Variants in PHACTR3 observed in about 807,000 individuals in gnomAD.
PHACTR3 encodes phosphatase and actin regulator 3, also known as protein phosphatase 1, regulatory subunit 123.
PHACTR3 carries 16 observed loss-of-function variants against 66.8 expected under a neutral mutation model. That is an observed-to-expected ratio of 0.24 (90% CI 0.16 to 0.36). The LOEUF is 0.36. Among genes scored for constraint, PHACTR3 ranks in the 10% least tolerant of loss-of-function variants. PHACTR3 has a pLI of 1.00. For missense variants in PHACTR3, 647 were observed against 719.9 expected, an observed-to-expected ratio of 0.90 and a Z score of 1.16; for synonymous variants, 323 against 292.1, an observed-to-expected ratio of 1.11 and a Z score of -1.08.
chr20:59,582,135 C>T (rs1385134287), intron 1 of PHACTR3, among the ~76,000 whole-genome samples: 1 of 152,242 alleles, frequency 6.6e-6, no homozygotes, highest in Non-Finnish European at 1.5e-5. Flanking sequence ...CACCTTTCGC[C>T]CTTCCCCAGG....
At chr20:59,625,612 G>A (rs2034419133) in intron 1 of PHACTR3, among the ~76,000 whole-genome samples, 1 of 152,102 alleles carries the variant, frequency 6.6e-6, no homozygotes, top group Non-Finnish European at 1.5e-5. Flanking sequence ...TCTTGCTTAG[G>A]GATTTGCCCA....
chr20:59,686,634 G>A (rs1332428510), intron 1 of PHACTR3, among the ~76,000 whole-genome samples: 4 of 151,528 alleles, frequency 2.6e-5, no homozygotes, highest in African/African-American at 9.7e-5. Flanking sequence ...TGATGATTGT[G>A]ATGATGGTGG....
At chr20:59,814,226 C>A (rs943236761) in intron 8 of PHACTR3, among the ~76,000 whole-genome samples, 6 of 152,138 alleles carry the variant, frequency 3.9e-5, no homozygotes, top group African/African-American at 1.2e-4. Flanking sequence ...GGTGGGGAGA[C>A]AAGGGTTTCT....
intron 1 of PHACTR3, among the ~76,000 whole-genome samples, chr20:59,694,172 T>C (rs1327137455): frequency 6.6e-6 from 1 of 152,216 alleles, no homozygotes; most frequent in Admixed American, 6.5e-5. Context: ...TGTCTTTCTG[T>C]TGTGGGCTTT....
rs1600731328 is a variant in PHACTR3, at chr20:59,829,829, G to A, written c.1329-6676G>A. 6.6e-6 allele frequency among the ~76,000 whole-genome samples: 1 copy of A among 152,246 alleles called. No individual in the cohort carries two copies. Among genetic ancestry groups the A allele is most frequent in the Non-Finnish European group, 1.5e-5 (1 of 68,050 alleles). The stretch of plus-strand genomic sequence containing the variant: ...CCACACTGAGGTGACTTTAGATGTT[G>A]ATTCAAACCTTTTCTGTGACATCTG... On this transcript the variant is annotated intron_variant, in intron 8 of 12. Coordinates refer to ENST00000371015, the MANE Select transcript of PHACTR3 (RefSeq NM_080672.5). The surrounding 1 kb of genome is among the most constrained non-coding windows in gnomAD (Gnocchi z 4.2).
chr20:59,655,779 A>G (rs952496051), intron 1 of PHACTR3, among the ~76,000 whole-genome samples: 2 of 151,844 alleles, frequency 1.3e-5, no homozygotes, highest in Non-Finnish European at 2.9e-5. Context: ...ATAGGAATTT[A>G]GAGCTATAGG....
intron 1 of PHACTR3, chr20:59,676,598 G>A (rs1601077203): frequency 1.6e-6 from 1 of 614,756 alleles, no homozygotes; most frequent in Non-Finnish European, 2.0e-6. Context: ...TTCTCAGGGA[G>A]CGGAGCGAGT....
At chr20:59,728,250 T>C (rs2038635218) in intron 1 of PHACTR3, among the ~76,000 whole-genome samples, 1 of 152,148 alleles carries the variant, frequency 6.6e-6, no homozygotes, top group Non-Finnish European at 1.5e-5. Flanking sequence ...TTTAGCACCA[T>C]GATCTTGGGG....
intron 2 of PHACTR3, among the ~76,000 whole-genome samples, chr20:59,746,769 T>C (rs1000709453): frequency 6.6e-6 from 1 of 152,216 alleles, no homozygotes; most frequent in Admixed American, 6.5e-5. Flanking sequence ...CCAGGGTTAA[T>C]GGCAGGATCA....
At chr20:59,790,101 T>C (rs554858352) in intron 7 of PHACTR3, among the ~76,000 whole-genome samples, 1 of 152,386 alleles carries the variant, frequency 6.6e-6, no homozygotes, top group African/African-American at 2.4e-5. Context: ...CTTATTTATA[T>C]ACATTTCCTT....
At chr20:59,785,082 G>A (rs1430983509) in intron 7 of PHACTR3, among the ~76,000 whole-genome samples, 2 of 152,160 alleles carry the variant, frequency 1.3e-5, no homozygotes, top group East Asian at 3.9e-4. Context: ...GAGGGGATGG[G>A]GTCTGCAGGG....
intron 1 of PHACTR3, among the ~76,000 whole-genome samples, chr20:59,722,886 C>G (rs1193733604): frequency 2.0e-5 from 3 of 152,112 alleles, no homozygotes; most frequent in South Asian, 2.1e-4. Flanking sequence ...TGTGTGGCTG[C>G]TGGGTCCCAC....
intron 2 of PHACTR3, among the ~76,000 whole-genome samples, chr20:59,745,253 G>T (rs1474649377): frequency 6.6e-6 from 1 of 152,214 alleles, no homozygotes; most frequent in African/African-American, 2.4e-5. Flanking sequence ...AAGGCCGGGG[G>T]ACTAGAGCAG....
At chr20:59,614,084 G>A (rs2033946230) in intron 1 of PHACTR3, among the ~76,000 whole-genome samples, 1 of 152,220 alleles carries the variant, frequency 6.6e-6, no homozygotes. Flanking sequence ...ATATAAAGGG[G>A]AAGCTTAAAG....
At chr20:59,779,057 G>A (rs1164870332) in intron 7 of PHACTR3, among the ~76,000 whole-genome samples, 2 of 152,208 alleles carry the variant, frequency 1.3e-5, no homozygotes, top group Non-Finnish European at 2.9e-5. Context: ...GTGGGCCAAG[G>A]TCAGGATTCC....
intron 1 of PHACTR3, among the ~76,000 whole-genome samples, chr20:59,673,153 C>A (rs2036252605): frequency 6.6e-6 from 1 of 152,172 alleles, no homozygotes; most frequent in Admixed American, 6.5e-5. Flanking sequence ...CCTGGGACAA[C>A]CTCAATTTAT....
chr20:59,587,753 CGGGGCTGGGGCT>C (rs370655205), intron 1 of PHACTR3, among the ~76,000 whole-genome samples: 22 of 151,158 alleles, frequency 1.5e-4, no homozygotes, highest in Admixed American at 3.3e-4. Context: ...GGGCTGGAGC[CGGGGCTGGGGCT>C]GGGGCTGGGG....
intron 1 of PHACTR3, among the ~76,000 whole-genome samples, chr20:59,739,264 T>C (rs1391174669): frequency 6.6e-6 from 1 of 152,110 alleles, no homozygotes; most frequent in African/African-American, 2.4e-5. Context: ...AAACAAGACA[T>C]TCCTGGGCTT....
chr20:59,617,550 T>A (rs1383813525), intron 1 of PHACTR3, among the ~76,000 whole-genome samples: 1 of 152,232 alleles, frequency 6.6e-6, no homozygotes, highest in Non-Finnish European at 1.5e-5. Flanking sequence ...CAGTCATTTT[T>A]TTTTTTCTGT....
Sources: gnomAD v4.1 joint callset for allele counts (sites outside exome capture counted in the v4.1 genomes callset) on GRCh38, gnomAD v4.1.1 for gene constraint, Gnocchi (gnomAD v3.1) non-coding constraint, MANE v1.5 for transcripts, NCBI Gene and HGNC (gene_info 2026-07-23, HGNC 2026-07-21) for gene names.